The following CLASRP variants were observed in gnomAD, a reference collection of about 807,000 sequenced individuals.
The protein encoded by CLASRP is CLK4 associating serine/arginine rich protein.
A neutral mutation model predicts 99.9 loss-of-function variants in CLASRP; 52 were observed. That is an observed-to-expected ratio of 0.52 (90% confidence interval 0.42 to 0.66). The LOEUF (loss-of-function observed/expected upper bound fraction) is 0.66. Among genes scored for constraint, CLASRP ranks in the 30% least tolerant of loss-of-function variants. The pLI is 0.00. For synonymous variants in CLASRP, 379 were observed against 373.0 expected (o/e 1.02, Z -0.18); for missense variants, 848 against 999.2 (o/e 0.85, Z 2.04).
At chr19:45,040,822 G>T (rs1165382350) in intron 2 of CLASRP, 1 of 155,846 alleles carries the variant, frequency 6.4e-6, no homozygotes, top group Non-Finnish European at 1.4e-5. Context: ...AAATTAGCCA[G>T]GCTTAGTGGT....
intron 1 of CLASRP, 79 bp from the exon 2 acceptor site, chr19:45,040,105 C>T: frequency 1.4e-6 from 1 of 736,490 alleles, no homozygotes. Context: ...GACTCTGCCA[C>T]CAACTTGTTA....
intron 13 of CLASRP, among the ~76,000 whole-genome samples, chr19:45,065,476 G>A (rs1437301159): frequency 6.6e-6 from 1 of 151,414 alleles, no homozygotes; most frequent in African/African-American, 2.4e-5. Context: ...CACGAGAATC[G>A]TTTCAGCCCC....
Position 45,060,532 on chromosome 19 carries a change from C to T in CLASRP, c.790-22C>T, listed in dbSNP as rs1437467019. 6.2e-7 allele frequency: 1 copy of T among 1,613,726 alleles called. No individual in the cohort carries two copies. Among genetic ancestry groups the T allele is most frequent in the South Asian group, 1.1e-5 (1 of 91,076 alleles). On this transcript the variant is annotated intron_variant, in intron 9 of 20. Coordinates refer to ENST00000221455, the MANE Select transcript of CLASRP (RefSeq NM_007056.3). The surrounding 1 kb of genome is among the most constrained non-coding windows in gnomAD (Gnocchi z 4.6). ...CACAGGGAGGGCACCCCCTCACCAA[C>T]CTGGCACCCACCCTACTCCAGGGAC...
intron 6 of CLASRP, 21 bp from the exon 7 acceptor site, chr19:45,057,729 T>G (rs1972146439): frequency 6.2e-7 from 1 of 1,613,446 alleles, no homozygotes; most frequent in Non-Finnish European, 8.5e-7. Flanking sequence ...CGGCCCTGGC[T>G]TACCAGCTCC....
Position 45,067,318 on chromosome 19 carries a change from C to G in CLASRP, c.1410-19C>G. 6.7e-7 allele frequency: 1 copy of G among 1,488,686 alleles called. No individual in the cohort carries two copies. 92.2% of individuals were successfully genotyped at this position (1,488,686 alleles called of 1,614,324 possible). On this transcript the variant is annotated intron_variant, in intron 13 of 20. Coordinates refer to ENST00000221455, the MANE Select transcript of CLASRP (RefSeq NM_007056.3). The surrounding 1 kb of genome is among the most constrained non-coding windows in gnomAD (Gnocchi z 4.9). ...CCCTGGAGCCTCACAGTCCTCCTCCCGCCCTGCTGCATCCCCAGGAGCCGC... is the reference window on the plus strand; with the variant it reads ...CCCTGGAGCCTCACAGTCCTCCTCCGGCCCTGCTGCATCCCCAGGAGCCGC...
intron 6 of CLASRP, among the ~76,000 whole-genome samples, chr19:45,057,341 G>C (rs968304420): frequency 6.6e-6 from 1 of 152,184 alleles, no homozygotes; most frequent in Non-Finnish European, 1.5e-5. Flanking sequence ...TTCAGCCCTC[G>C]TCCACGGCCC....
intron 5 of CLASRP, 122 bp downstream of exon 5, chr19:45,053,299 C>G (rs1195166043): frequency 2.2e-6 from 2 of 892,934 alleles, no homozygotes; most frequent in African/African-American, 3.3e-5. Flanking sequence ...TGGGTTCCGG[C>G]TCCAGCTCTA....
intron 16 of CLASRP, 125 bp from the exon 17 acceptor site, chr19:45,068,941 G>T: frequency 1.1e-6 from 1 of 882,672 alleles, no homozygotes. Flanking sequence ...AGTGAGCCAA[G>T]ATCACGCCAC....
chr19:45,045,623 T>G (rs1372473719), intron 2 of CLASRP, among the ~76,000 whole-genome samples: 1 of 152,040 alleles, frequency 6.6e-6, no homozygotes, highest in Non-Finnish European at 1.5e-5. Flanking sequence ...GGTGTAGACT[T>G]TATTTTGGGT....
chr19:45,039,318 T>C (rs1442367368), intron 1 of CLASRP, among the ~76,000 whole-genome samples: 2 of 151,582 alleles, frequency 1.3e-5, no homozygotes, highest in Non-Finnish European at 2.9e-5. Flanking sequence ...GAACTCGGCC[T>C]TCGGCCCAGC....
At chr19:45,052,296 T>C (rs1600100381) in intron 3 of CLASRP, 128 bp downstream of exon 3, 1 of 729,926 alleles carries the variant, frequency 1.4e-6, no homozygotes. Context: ...GCAGGGAAGG[T>C]GTGACCCGCA....
chr19:45,051,295 T>C (rs1173604274), intron 2 of CLASRP, among the ~76,000 whole-genome samples: 1 of 151,968 alleles, frequency 6.6e-6, no homozygotes, highest in Non-Finnish European at 1.5e-5. Context: ...GAGGAACCAA[T>C]AGCTTATTTC....
intron 2 of CLASRP, among the ~76,000 whole-genome samples, chr19:45,046,458 A>T (rs544740175): frequency 6.6e-6 from 1 of 152,204 alleles, no homozygotes; most frequent in Non-Finnish European, 1.5e-5. Context: ...CGCCTCCTCC[A>T]GGAAGCTCCA....
intron 18 of CLASRP, chr19:45,069,769 C>T (rs547433826): frequency 1.2e-4 from 62 of 510,342 alleles, no homozygotes; most frequent in Non-Finnish European, 1.4e-4. Context: ...TGCCCCAGTG[C>T]GGCAGGAAAT....
Position 45,060,660 on chromosome 19 carries a change from G to T in CLASRP, c.863+33G>T, listed in dbSNP as rs1221352698. The T allele has an allele frequency of 2.3e-5, 34 of 1,504,382 alleles. No individual in the cohort carries two copies. The highest frequency in any genetic ancestry group is 3.0e-5 in the Non-Finnish European group (33 of 1,111,750). 93.2% of individuals were successfully genotyped at this position (1,504,382 alleles called of 1,614,324 possible). ...TTCTCCCTGAACCCCCACCCTGCTG[G>T]CATCTGGGGGAGGAGAGCAGGGGCT... is the stretch of plus-strand genomic sequence containing the variant. On this transcript the variant is annotated intron_variant, in intron 10 of 20. Transcript: ENST00000221455. This position sits in a 1 kb window ranked among gnomAD's most constrained non-coding sequence, Gnocchi z 4.6.
At chr19:45,048,714 G>A (rs1034240963) in intron 2 of CLASRP, among the ~76,000 whole-genome samples, 58 of 151,922 alleles carry the variant, frequency 3.8e-4, no homozygotes, top group African/African-American at 1.2e-3. Flanking sequence ...CCAGCTGGGC[G>A]TGGTGGCTCA....
chr19:45,045,044 G>A (rs969674065), intron 2 of CLASRP, among the ~76,000 whole-genome samples: 1 of 152,190 alleles, frequency 6.6e-6, no homozygotes, highest in African/African-American at 2.4e-5. Flanking sequence ...CCACAGAAAA[G>A]CCAAGAGGTA....
chr19:45,070,721 C>A, intron 20 of CLASRP, 82 bp from the exon 21 acceptor site: 1 of 1,349,152 alleles, frequency 7.4e-7, no homozygotes, highest in Non-Finnish European at 1.1e-6. Context: ...GACAAGTGCC[C>A]CGATCACTGA....
Position 45,040,279 on chromosome 19 carries a change from G to A in CLASRP, c.67G>A (p.Ala23Thr). Reference sequence around the variant, plus strand: ...CATGATGGTCGACTACAAGAAGAGGGCGGAGCGGAGACGGGAGTATTATGA... The same window carrying A: ...CATGATGGTCGACTACAAGAAGAGGACGGAGCGGAGACGGGAGTATTATGA... ...RGMMVDYKKR[A>T]ERRREYYEKI... The change falls in exon 2 of 21, where the codon GCG becomes ACG. Residue 23 changes from alanine (A) to threonine (T), a missense_variant. Transcript: ENST00000221455. 6.2e-7 allele frequency: 1 copy of A among 1,612,302 alleles called. No homozygotes were observed.
Sources: allele counts gnomAD v4.1 joint callset (sites outside exome capture counted in the v4.1 genomes callset), GRCh38; gene constraint gnomAD v4.1.1; non-coding constraint Gnocchi (gnomAD v3.1); transcripts MANE v1.5; gene names NCBI Gene and HGNC (gene_info 2026-07-23, HGNC 2026-07-21).